APBB1IP: variants seen among roughly 807,000 people sequenced by gnomAD.
The protein encoded by APBB1IP is amyloid beta precursor protein binding family B member 1 interacting protein.
APBB1IP carries 27 observed loss-of-function variants against 64.9 expected under a neutral mutation model. The ratio of observed to expected loss-of-function variants is 0.42; its 90% CI spans 0.31 to 0.57. The LOEUF (loss-of-function observed/expected upper bound fraction) is 0.57. APBB1IP is among the 20% of genes least tolerant of loss of function. APBB1IP has a pLI of 0.20. For missense variants in APBB1IP, 812 were observed against 845.5 expected, an observed-to-expected ratio of 0.96 and a Z score of 0.49; for synonymous variants, 392 against 331.0, an observed-to-expected ratio of 1.18 and a Z score of -2.00.
At chr10:26,537,493 A>G (rs553715542) in intron 10 of APBB1IP, among the ~76,000 whole-genome samples, 3 of 152,192 alleles carry the variant, frequency 2.0e-5, no homozygotes, top group Non-Finnish European at 2.9e-5. Flanking sequence ...CATCTCTGCC[A>G]TCTCATTCCA....
intron 4 of APBB1IP, 112 bp from the exon 5 acceptor site, chr10:26,500,707 A>T: frequency 9.9e-7 from 1 of 1,014,954 alleles, no homozygotes; most frequent in Non-Finnish European, 1.4e-6. Flanking sequence ...TATCATAACC[A>T]ATCAAGATAA....
Position 26,554,190 on chromosome 10 carries a change from C to T in APBB1IP, c.1156-5915C>T, listed in dbSNP as rs192846034. On this transcript the variant is annotated intron_variant, in intron 11 of 14. Coordinates refer to ENST00000376236, the MANE Select transcript of APBB1IP (RefSeq NM_019043.4). The stretch of plus-strand genomic sequence containing the variant: ...CACAGTCCCTCAAGGATGAATGGCA[C>T]CATCACCTACTCTATTCGTTTTCTG... 6.6e-4 allele frequency among the ~76,000 whole-genome samples: 100 copies of T among 152,338 alleles called. No individual in the cohort carries two copies. In the Middle Eastern group the frequency reaches 0.014, roughly 21 times the overall value.
chr10:26,562,265 G>A (rs932250680), intron 13 of APBB1IP, 61 bp from the exon 14 acceptor site: 23 of 1,254,122 alleles, frequency 1.8e-5, no homozygotes, highest in Admixed American at 3.4e-5. Flanking sequence ...TTTTCAGATC[G>A]ACTTTCAAGA....
chr10:26,449,142 A>G (rs1188548639), intron 2 of APBB1IP, among the ~76,000 whole-genome samples: 3 of 152,208 alleles, frequency 2.0e-5, no homozygotes, highest in Non-Finnish European at 2.9e-5. Context: ...TCCCTGTTCT[A>G]GAAACTATAC....
intron 2 of APBB1IP, among the ~76,000 whole-genome samples, chr10:26,454,807 A>G (rs1835504349): frequency 6.6e-6 from 1 of 152,262 alleles, no homozygotes; most frequent in Admixed American, 6.5e-5. Context: ...GCACGCCTGT[A>G]TCCCGTACAT....
intron 2 of APBB1IP, among the ~76,000 whole-genome samples, chr10:26,481,632 G>A (rs1033080648): frequency 5.9e-5 from 9 of 151,864 alleles, no homozygotes; most frequent in East Asian, 1.9e-4. Flanking sequence ...CCACAGGTGC[G>A]CACCACTATG....
At chr10:26,458,669 C>T (rs1215894258) in intron 2 of APBB1IP, among the ~76,000 whole-genome samples, 1 of 152,090 alleles carries the variant, frequency 6.6e-6, no homozygotes, top group Non-Finnish European at 1.5e-5. Flanking sequence ...AGGTAACAAA[C>T]AAAGACTATA....
At chr10:26,516,753 G>A (rs1430342041) in intron 8 of APBB1IP, among the ~76,000 whole-genome samples, 1 of 152,042 alleles carries the variant, frequency 6.6e-6, no homozygotes, top group Non-Finnish European at 1.5e-5. Flanking sequence ...ATTTGTAGCT[G>A]TCTGTTTAGG....
intron 11 of APBB1IP, among the ~76,000 whole-genome samples, chr10:26,553,703 G>A (rs937033782): frequency 6.6e-6 from 1 of 152,126 alleles, no homozygotes; most frequent in African/African-American, 2.4e-5. Flanking sequence ...ATTCAGACTT[G>A]GGGGTACATC....
chr10:26,464,553 A>G (rs1835627684), intron 2 of APBB1IP, among the ~76,000 whole-genome samples: 2 of 152,158 alleles, frequency 1.3e-5, no homozygotes, highest in Admixed American at 1.3e-4. Context: ...GGAACACGAT[A>G]CCATGCCCAA....
intron 10 of APBB1IP, among the ~76,000 whole-genome samples, chr10:26,541,172 A>C (rs574489808): frequency 1.3e-5 from 2 of 152,276 alleles, no homozygotes; most frequent in South Asian, 2.1e-4. Context: ...TTTTTAAAAA[A>C]TTAATTTTAT....
At chr10:26,480,683 T>A (rs943730270) in intron 2 of APBB1IP, among the ~76,000 whole-genome samples, 1 of 143,154 alleles carries the variant, frequency 7.0e-6, no homozygotes, top group African/African-American at 2.6e-5. Context: ...CCCAGGCTGG[T>A]CTCTAACTCC....
At chr10:26,451,698 C>A (rs1018472539) in intron 2 of APBB1IP, among the ~76,000 whole-genome samples, 1 of 152,158 alleles carries the variant, frequency 6.6e-6, no homozygotes, top group African/African-American at 2.4e-5. Flanking sequence ...ATCTTCCCTG[C>A]CTCTAAGTTT....
chr10:26,461,999 C>G (rs1835598465), intron 2 of APBB1IP, among the ~76,000 whole-genome samples: 2 of 152,272 alleles, frequency 1.3e-5, no homozygotes, highest in South Asian at 4.2e-4. Context: ...GTATCACCTC[C>G]ATATTTTGCT....
At chr10:26,555,529 C>T (rs904711517) in intron 11 of APBB1IP, among the ~76,000 whole-genome samples, 1 of 152,166 alleles carries the variant, frequency 6.6e-6, no homozygotes, top group Non-Finnish European at 1.5e-5. Flanking sequence ...TGTTTACATA[C>T]ATCTCTCCCT....
intron 2 of APBB1IP, among the ~76,000 whole-genome samples, chr10:26,489,588 A>G (rs886489415): frequency 2.6e-5 from 4 of 152,210 alleles, no homozygotes; most frequent in Non-Finnish European, 4.4e-5. Context: ...CTCAGCGTCA[A>G]TGCTACCCTG....
chr10:26,492,964 C>T (rs1301905332), intron 3 of APBB1IP, among the ~76,000 whole-genome samples: 1 of 152,156 alleles, frequency 6.6e-6, no homozygotes, highest in Non-Finnish European at 1.5e-5. Flanking sequence ...GAGGCCAGGG[C>T]ATGTTTCATC....
chr10:26,567,640 C>G lies in APBB1IP; in HGVS notation c.*152C>G. The G allele has an allele frequency of 7.1e-7, 1 of 1,399,066 alleles. No individual in the cohort carries two copies. The allele number at this position is 1,399,066 out of a possible 1,614,324, so 86.7% of individuals were successfully genotyped here. A position where few individuals can be genotyped will look rare whatever the true frequency, so the allele number is the denominator to read the frequency against. On this transcript the variant is annotated 3_prime_UTR_variant, in exon 15 of 15. Coordinates refer to ENST00000376236, the MANE Select transcript of APBB1IP (RefSeq NM_019043.4). ...GCTCAAGTACAGGCATAACCATTAA[C>G]CCAGTAGAGTTCAGAATATCTGCCC... is the stretch of plus-strand genomic sequence containing the variant.
At chr10:26,558,768 C>A (rs184710415) in intron 11 of APBB1IP, among the ~76,000 whole-genome samples, 1 of 152,052 alleles carries the variant, frequency 6.6e-6, no homozygotes, top group Non-Finnish European at 1.5e-5. Flanking sequence ...CAGAGTGAGA[C>A]CCTGTCTTAA....
Sources: allele counts gnomAD v4.1 joint callset (sites outside exome capture counted in the v4.1 genomes callset), GRCh38; gene constraint gnomAD v4.1.1; transcripts MANE v1.5; gene names NCBI Gene and HGNC (gene_info 2026-07-23, HGNC 2026-07-21).